KCND2: variants seen among roughly 807,000 people sequenced by gnomAD.
KCND2 encodes A-type voltage-gated potassium channel KCND2.
A neutral mutation model predicts 54.4 loss-of-function variants in KCND2; 16 were observed. The ratio of observed to expected loss-of-function variants is 0.29; its 90% confidence interval spans 0.20 to 0.45. KCND2 has a LOEUF of 0.45. Ranked by LOEUF, KCND2 falls within the 20% of genes least tolerant of loss-of-function variation. KCND2 has a pLI of 1.00. For missense variants in KCND2, 486 were observed against 824.2 expected, an observed-to-expected ratio of 0.59 and a Z score of 5.02; for synonymous variants, 317 against 310.7, an observed-to-expected ratio of 1.02 and a Z score of -0.21.
chr7:120,317,572 C>T (rs910848715), intron 1 of KCND2, among the ~76,000 whole-genome samples: 2 of 152,100 alleles, frequency 1.3e-5, no homozygotes, highest in African/African-American at 4.8e-5. Context: ...TTATTTAGTT[C>T]TAATATACCT....
intron 1 of KCND2, among the ~76,000 whole-genome samples, chr7:120,698,844 A>G (rs1792364004): frequency 6.6e-6 from 1 of 152,226 alleles, no homozygotes; most frequent in African/African-American, 2.4e-5. Flanking sequence ...ATGGGAAAAT[A>G]AGAACATACC....
At chr7:120,496,422 T>C (rs1802848086) in intron 1 of KCND2, among the ~76,000 whole-genome samples, 1 of 151,506 alleles carries the variant, frequency 6.6e-6, no homozygotes. Flanking sequence ...TATAAAAATA[T>C]ATAATTTTTT....
rs145935426 is a variant in KCND2, at chr7:120,288,437, T to C, written c.1115+12690T>C. 4.5e-4 allele frequency among the ~76,000 whole-genome samples: 69 copies of C among 152,242 alleles called. 1 individual carries two copies. The highest frequency in any genetic ancestry group is 1.6e-3 in the African/African-American group (66 of 41,548). On this transcript the variant is annotated intron_variant, in intron 1 of 5. Coordinates refer to ENST00000331113, the MANE Select transcript of KCND2 (RefSeq NM_012281.3). ...ATTTCAAATGTGCAGGACCTAAAGA[T>C]AGAAAACAAATTACTGGTGGATTCT...
chr7:120,381,370 C>G (rs1800913529), intron 1 of KCND2, among the ~76,000 whole-genome samples: 1 of 151,996 alleles, frequency 6.6e-6, no homozygotes, highest in South Asian at 2.1e-4. Flanking sequence ...TAATACAATT[C>G]TTATTTTCCA....
intron 1 of KCND2, among the ~76,000 whole-genome samples, chr7:120,432,521 A>G (rs950414861): frequency 7.4e-6 from 1 of 134,790 alleles, no homozygotes; most frequent in Admixed American, 6.9e-5. Context: ...ACACACACAC[A>G]CACCCCTCAT....
intron 1 of KCND2, among the ~76,000 whole-genome samples, chr7:120,557,884 A>C (rs1364258569): frequency 1.3e-5 from 2 of 152,154 alleles, no homozygotes; most frequent in African/African-American, 4.8e-5. Flanking sequence ...TCTAAGAAGT[A>C]ATGAGCAACT....
chr7:120,322,178 A>T (rs555056511), intron 1 of KCND2, among the ~76,000 whole-genome samples: 78 of 145,688 alleles, frequency 5.4e-4, no homozygotes, highest in African/African-American at 1.6e-3. Context: ...ACCTTTTTTT[A>T]AAAAAAAGCA....
At chr7:120,508,642 G>A (rs1803064310) in intron 1 of KCND2, among the ~76,000 whole-genome samples, 1 of 151,954 alleles carries the variant, frequency 6.6e-6, no homozygotes, top group African/African-American at 2.4e-5. Flanking sequence ...TGGGAAAAAA[G>A]TGCAAATACC....
At chr7:120,578,354 G>A (rs772545486) in intron 1 of KCND2, among the ~76,000 whole-genome samples, 65 of 152,058 alleles carry the variant, frequency 4.3e-4, no homozygotes, top group Non-Finnish European at 8.4e-4. Flanking sequence ...CTTTTCCAGA[G>A]CAAAGAAACC....
chr7:120,444,897 T>TA (rs1381402006), intron 1 of KCND2, among the ~76,000 whole-genome samples: 1 of 152,132 alleles, frequency 6.6e-6, no homozygotes, highest in Non-Finnish European at 1.5e-5. Flanking sequence ...AATTAACACT[T>TA]ACCTCAGTGG....
At chr7:120,462,769 T>C (rs890487235) in intron 1 of KCND2, among the ~76,000 whole-genome samples, 21 of 151,786 alleles carry the variant, frequency 1.4e-4, no homozygotes, top group Non-Finnish European at 2.7e-4. Flanking sequence ...CTGTAACTAC[T>C]ATAAAGGCAT....
chr7:120,551,676 G>A (rs1301288911), intron 1 of KCND2, among the ~76,000 whole-genome samples: 1 of 152,114 alleles, frequency 6.6e-6, no homozygotes, highest in Non-Finnish European at 1.5e-5. Context: ...ACCATGAGAG[G>A]TTCGGATTTA....
At chr7:120,359,789 T>C (rs1800567653) in intron 1 of KCND2, among the ~76,000 whole-genome samples, 1 of 152,010 alleles carries the variant, frequency 6.6e-6, no homozygotes, top group Non-Finnish European at 1.5e-5. Context: ...GGGAGGTGAT[T>C]GGATCATGGG....
At chr7:120,388,611 T>TG (rs1801023424) in intron 1 of KCND2, among the ~76,000 whole-genome samples, 2 of 151,790 alleles carry the variant, frequency 1.3e-5, no homozygotes, top group Admixed American at 1.3e-4. Flanking sequence ...TTTAAATCCA[T>TG]GGGGGCAAAT....
intron 1 of KCND2, among the ~76,000 whole-genome samples, chr7:120,679,581 A>G (rs1293703410): frequency 6.6e-6 from 1 of 152,106 alleles, no homozygotes; most frequent in Non-Finnish European, 1.5e-5. Flanking sequence ...AAATGCATAG[A>G]CAGCATATTT....
At chr7:120,691,483 G>T (rs2116603555) in intron 1 of KCND2, among the ~76,000 whole-genome samples, 1 of 152,272 alleles carries the variant, frequency 6.6e-6, no homozygotes, top group South Asian at 2.1e-4. Flanking sequence ...AGAGACAGAG[G>T]TATAGGATGA....
intron 1 of KCND2, among the ~76,000 whole-genome samples, chr7:120,358,232 C>T (rs540397769): frequency 6.6e-6 from 1 of 152,236 alleles, no homozygotes; most frequent in South Asian, 2.1e-4. Flanking sequence ...TGTGTCAGTA[C>T]AGATGGTGAT....
intron 1 of KCND2, among the ~76,000 whole-genome samples, chr7:120,713,023 C>A (rs1222319079): frequency 6.6e-6 from 1 of 152,158 alleles, no homozygotes; most frequent in Non-Finnish European, 1.5e-5. Flanking sequence ...ATTATCCCTG[C>A]AAGAATTTAG....
In KCND2 at chr7:120,274,512, A is replaced by G; in HGVS notation, c.-121A>G. On this transcript the variant is annotated 5_prime_UTR_variant, in exon 1 of 6. Transcript: ENST00000331113. Reference sequence around the variant, plus strand: ...AGCCCTATCTTGGAATAAGAGTTACACCTCTGGACCACGTTTCTCACTAGT... The same window carrying G: ...AGCCCTATCTTGGAATAAGAGTTACGCCTCTGGACCACGTTTCTCACTAGT... 1 of 1,098,734 alleles carries G rather than the reference A, an allele frequency of 9.1e-7. No homozygotes were observed. Among genetic ancestry groups the G allele is most frequent in the South Asian group, 1.3e-5 (1 of 78,278 alleles). 68.1% of individuals were successfully genotyped at this position (1,098,734 alleles called of 1,614,324 possible).
Sources: gnomAD v4.1 joint callset for allele counts (sites outside exome capture counted in the v4.1 genomes callset) on GRCh38, gnomAD v4.1.1 for gene constraint, MANE v1.5 for transcripts, NCBI Gene and HGNC (gene_info 2026-07-23, HGNC 2026-07-21) for gene names.